The following GREP1 variants were observed in gnomAD, a reference collection of about 807,000 sequenced individuals.
GREP1 encodes the protein glycine rich extracellular protein 1.
chr16:2,993,986 C>T (rs899513166), intron 10 of GREP1: 1 of 152,826 alleles, frequency 6.5e-6, no homozygotes, highest in Non-Finnish European at 1.5e-5. Context: ...AAACAACAAC[C>T]AAAGTAATCC....
intron 1 of GREP1, 67 bp downstream of exon 1, chr16:2,988,407 G>A (rs975833095): frequency 5.5e-5 from 22 of 399,144 alleles, no homozygotes; most frequent in African/African-American, 3.7e-4. Flanking sequence ...GGGGGTCCAA[G>A]TGGGGCCCTG....
Position 2,991,483 on chromosome 16 carries a change from G to T in GREP1, c.322+382G>T, listed in dbSNP as rs553634100. ...GCCGCAGGGAGGGGCGGGCAGGAGG[G>T]TTTAGGGTCCCAACCCTCATTCTTA... On this transcript the variant is annotated intron_variant, in intron 8 of 34. Transcript: ENST00000573315. The surrounding 1 kb of genome is among the most constrained non-coding windows in gnomAD (Gnocchi z 4.9). The T allele has an allele frequency of 1.6e-3, 313 of 192,034 alleles. 2 individuals carry two copies. Among genetic ancestry groups the T allele is most frequent in the African/African-American group, 6.9e-3 (299 of 43,038 alleles). The allele number at this position is 192,034 out of a possible 1,614,324, so 11.9% of individuals were successfully genotyped here.
At chr16:2,993,802 A>C (rs1211061026) in intron 10 of GREP1, 2 of 152,192 alleles carry the variant, frequency 1.3e-5, no homozygotes, top group Non-Finnish European at 2.9e-5. Flanking sequence ...TACTGAAAAT[A>C]CAAAAAAATC....
exon 33 of GREP1, chr16:3,000,822 A>G (rs1051931418): frequency 7.5e-6 from 3 of 399,054 alleles, no homozygotes; most frequent in Non-Finnish European, 8.8e-6. Flanking sequence ...GCCAGGAGCC[A>G]GCCAGGTAAC....
chr16:3,000,907 A>C, intron 33 of GREP1, 80 bp downstream of exon 27: 1 of 397,906 alleles, frequency 2.5e-6, no homozygotes, highest in Non-Finnish European at 4.4e-6. Flanking sequence ...AGGTCTACCC[A>C]CAGCCCCACA....
At chr16:3,001,468 T>G (rs149642435) in intron 34 of GREP1, 93 bp from the exon 29 acceptor site, 2 of 398,986 alleles carry the variant, frequency 5.0e-6, no homozygotes, top group Non-Finnish European at 8.8e-6. Context: ...GCTGAGTGAC[T>G]GACCCCAGAA....
In GREP1 at chr16:2,991,283, GC is replaced by G. The variant is rs2072398030; in HGVS notation, c.322+185del. On this transcript the variant is annotated intron_variant, in intron 8 of 34. Transcript: ENST00000573315. This position sits in a 1 kb window ranked among gnomAD's most constrained non-coding sequence, Gnocchi z 4.9. Reference sequence around the variant, plus strand: ...AACCTCCGAAGCCAGGTGAGGCAGAGCCCTGCCCCGCCTTGCCCACTTATAT... The same window carrying G: ...AACCTCCGAAGCCAGGTGAGGCAGAGCCTGCCCCGCCTTGCCCACTTATAT... 1 of 395,122 alleles carries G rather than the reference GC, an allele frequency of 2.5e-6. No individual in the cohort carries two copies. The highest frequency in any genetic ancestry group is 4.5e-6 in the Non-Finnish European group (1 of 224,528). The allele number at this position is 395,122 out of a possible 1,614,324, so 24.5% of individuals were successfully genotyped here.
In GREP1 at chr16:2,991,475, G is replaced by C. The variant is rs1264572399; in HGVS notation, c.322+374G>C. ...GGGCAGGGGCCGCAGGGAGGGGCGG[G>C]CAGGAGGGTTTAGGGTCCCAACCCT... On this transcript the variant is annotated intron_variant, in intron 8 of 34. Transcript: ENST00000573315. This position sits in a 1 kb window ranked among gnomAD's most constrained non-coding sequence, Gnocchi z 4.9. 1 of 201,170 alleles carries C rather than the reference G, an allele frequency of 5.0e-6. No individual in the cohort carries two copies. The allele number at this position is 201,170 out of a possible 1,614,324, so 12.5% of individuals were successfully genotyped here. A position where few individuals can be genotyped will look rare whatever the true frequency, so the allele number is the denominator to read the frequency against.
rs2072386647 is a variant in GREP1 at position 2,989,222 on chromosome 16, C to T, written c.101-301C>T. 1.7e-5 allele frequency: 6 copies of T among 362,426 alleles called. No homozygotes were observed. The highest frequency in any genetic ancestry group is 4.9e-6 in the Non-Finnish European group (1 of 203,530). 22.5% of individuals were successfully genotyped at this position (362,426 alleles called of 1,614,324 possible). ...GTCCCCCAGAGCCCTGGCTCAGACA[C>T]CTTCCTCCAGGCCCAGGGGCCCTCT... On this transcript the variant is annotated intron_variant, in intron 2 of 34. Coordinates refer to ENST00000573315, the Ensembl canonical transcript of GREP1. The surrounding 1 kb of genome is among the most constrained non-coding windows in gnomAD (Gnocchi z 4.2).
rs1305300203 is a variant in GREP1, at chr16:2,998,999, G to A, written c.1144+20G>A. ...TACCAGGTCAGTGTGGAGTGGGGGT[G>A]CCTAGGGGGCACTGGGAAGCACCTG... is the stretch of plus-strand genomic sequence containing the variant. On this transcript the variant is annotated intron_variant, in intron 26 of 34. Coordinates refer to ENST00000573315, the Ensembl canonical transcript of GREP1. The A allele has an allele frequency of 2.5e-6, 1 of 399,024 alleles. No homozygotes were observed. The highest frequency in any genetic ancestry group is 2.1e-5 in the African/African-American group (1 of 48,640). The allele number at this position is 399,024 out of a possible 1,614,324, so 24.7% of individuals were successfully genotyped here. A position where few individuals can be genotyped will look rare whatever the true frequency, so the allele number is the denominator to read the frequency against.
chr16:3,000,169 C>T (rs765623180), intron 29 of GREP1, 51 bp downstream of exon 26: 4 of 399,268 alleles, frequency 1.0e-5, no homozygotes, highest in Non-Finnish European at 1.8e-5. Context: ...TGGCATCTCC[C>T]TCATGCCTGA....
chr16:2,991,315 C>A lies in GREP1; in HGVS notation c.322+214C>A. On this transcript the variant is annotated intron_variant, in intron 8 of 34. Coordinates refer to ENST00000573315, the Ensembl canonical transcript of GREP1. This position sits in a 1 kb window ranked among gnomAD's most constrained non-coding sequence, Gnocchi z 4.9. ...CCCGCCTTGCCCACTTATATCCAGG[C>A]GCCTCTGGGTCCCTCAAGCCTGCCC... 5.1e-6 allele frequency: 2 copies of A among 389,062 alleles called. No individual in the cohort carries two copies. The highest frequency in any genetic ancestry group is 3.6e-5 in the East Asian group (1 of 27,454). 24.1% of individuals were successfully genotyped at this position (389,062 alleles called of 1,614,324 possible).
At chr16:2,998,417 AC>A in intron 24 of GREP1, 29 bp downstream of exon 22, 1 of 399,188 alleles carries the variant, frequency 2.5e-6, no homozygotes, top group Non-Finnish European at 4.4e-6. Flanking sequence ...GCTCTGCCCC[AC>A]ACCTCCTTCT....
chr16:2,990,469 A>G (rs2072392907), exon 6 of GREP1: 1 of 399,154 alleles, frequency 2.5e-6, no homozygotes, highest in African/African-American at 2.1e-5. Context: ...TGAAGGGGGC[A>G]TGAAACCCCA....
chr16:3,001,356 C>T (rs1020160065), intron 34 of GREP1, 22 bp downstream of exon 28: 7 of 399,052 alleles, frequency 1.8e-5, no homozygotes, highest in Non-Finnish European at 2.7e-5. Context: ...GCGCAATGGC[C>T]GAGCCGCCTG....
In GREP1 at chr16:2,989,519, A is replaced by C. The variant is rs2072387891; in HGVS notation, c.101-4A>C. ...CCGGGCTCAACATCTCACTTCTCCC[A>C]CAGTCTATGGCCCCCACAGTGGCCT... On this transcript the variant is annotated splice_polypyrimidine_tract_variant and splice_region_variant and intron_variant, in intron 2 of 34. Transcript: ENST00000573315. This position sits in a 1 kb window ranked among gnomAD's most constrained non-coding sequence, Gnocchi z 4.2. The C allele has an allele frequency of 2.5e-6, 1 of 398,962 alleles. No individual in the cohort carries two copies. Among genetic ancestry groups the C allele is most frequent in the South Asian group, 1.3e-4 (1 of 7,846 alleles). The allele number at this position is 398,962 out of a possible 1,614,324, so 24.7% of individuals were successfully genotyped here.
intron 13 of GREP1, 61 bp downstream of exon 14, chr16:2,995,023 G>A (rs1030774962): frequency 1.3e-5 from 5 of 398,876 alleles, no homozygotes; most frequent in Non-Finnish European, 2.2e-5. Flanking sequence ...TCCTCCCAGG[G>A]GCGGGATTGG....
chr16:2,988,670 C>T (rs2072383479), intron 2 of GREP1, 48 bp downstream of exon 2: 3 of 399,038 alleles, frequency 7.5e-6, no homozygotes, highest in Middle Eastern at 6.3e-4. Context: ...TCCCATCTCT[C>T]CTGCCCTGGG....
In GREP1 at chr16:2,989,964, G is replaced by A. The variant is rs2072390151; in HGVS notation, c.131-10G>A. Reference sequence around the variant, plus strand: ...GGGGAGGGGTGTCCCTCACCTCCCTGTCTCTCCAGGCTATGATGGGGGCGT... The same window carrying A: ...GGGGAGGGGTGTCCCTCACCTCCCTATCTCTCCAGGCTATGATGGGGGCGT... On this transcript the variant is annotated splice_polypyrimidine_tract_variant and intron_variant, in intron 3 of 34. Coordinates refer to ENST00000573315, the Ensembl canonical transcript of GREP1. This position sits in a 1 kb window ranked among gnomAD's most constrained non-coding sequence, Gnocchi z 4.2. 5.0e-6 allele frequency: 2 copies of A among 399,092 alleles called. No homozygotes were observed. The highest frequency in any genetic ancestry group is 8.8e-6 in the Non-Finnish European group (2 of 226,176). The allele number at this position is 399,092 out of a possible 1,614,324, so 24.7% of individuals were successfully genotyped here.
Sources: gnomAD v4.1 joint callset for allele counts on GRCh38, gnomAD v4.1.1 for gene constraint, Gnocchi (gnomAD v3.1) non-coding constraint, MANE v1.5 for transcripts, NCBI Gene and HGNC (gene_info 2026-07-23, HGNC 2026-07-21) for gene names.